The following TAX1BP1 variants were observed in gnomAD, a reference collection of about 807,000 sequenced individuals.
TAX1BP1 encodes Tax1 binding protein 1, also known as tax1-binding protein 1.
TAX1BP1 carries 62 observed loss-of-function variants against 97.7 expected under a neutral mutation model. That is an observed-to-expected ratio of 0.63 (90% CI 0.52 to 0.78). TAX1BP1 has a LOEUF of 0.78. Among genes scored for constraint, TAX1BP1 ranks in the 30% least tolerant of loss-of-function variants. The probability of loss-of-function intolerance (pLI) is 0.00; values close to 1 mark genes in which losing one functional copy is unlikely to be tolerated. For synonymous variants in TAX1BP1, 340 were observed against 304.2 expected (o/e 1.12, Z -1.23); for missense variants, 867 against 916.1 (o/e 0.95, Z 0.69).
chr7:27,822,146 C>T (rs867839846), intron 15 of TAX1BP1, among the ~76,000 whole-genome samples: 3 of 152,072 alleles, frequency 2.0e-5, no homozygotes, highest in South Asian at 4.1e-4. Context: ...AGCTGGCAAG[C>T]GTAATGAAGT....
intron 15 of TAX1BP1, among the ~76,000 whole-genome samples, chr7:27,818,236 GTTAGAGTC>G (rs1790853905): frequency 6.6e-6 from 1 of 152,202 alleles, no homozygotes; most frequent in Non-Finnish European, 1.5e-5. Context: ...GAGAAGCAGT[GTTAGAGTC>G]TTGTGCTCAT....
chr7:27,812,617 C>T (rs1583403019), intron 13 of TAX1BP1, among the ~76,000 whole-genome samples: 1 of 152,014 alleles, frequency 6.6e-6, no homozygotes, highest in South Asian at 2.1e-4. Context: ...GTAGTTTTAG[C>T]TCTCTTACTT....
At chr7:27,748,844 A>G (rs2128307350) in intron 2 of TAX1BP1, among the ~76,000 whole-genome samples, 158 bp downstream of exon 2, 1 of 152,316 alleles carries the variant, frequency 6.6e-6, no homozygotes, top group Admixed American at 6.5e-5. Flanking sequence ...GATAAAATGG[A>G]TGTTGGGAAC....
At chr7:27,771,346 A>G (rs571845447) in intron 5 of TAX1BP1, among the ~76,000 whole-genome samples, 3 of 151,038 alleles carry the variant, frequency 2.0e-5, no homozygotes, top group South Asian at 4.2e-4. Flanking sequence ...TCCTAAGCCC[A>G]TGAGATCAAG....
At chr7:27,760,025 T>C (rs1788363684) in intron 3 of TAX1BP1, among the ~76,000 whole-genome samples, 1 of 152,040 alleles carries the variant, frequency 6.6e-6, no homozygotes, top group South Asian at 2.1e-4. Context: ...GGCTGATTTT[T>C]GTATTTTTAA....
intron 5 of TAX1BP1, among the ~76,000 whole-genome samples, chr7:27,782,161 A>C (rs1381192319): frequency 1.3e-5 from 2 of 152,198 alleles, no homozygotes; most frequent in South Asian, 4.1e-4. Flanking sequence ...CAGCTGTGCA[A>C]AAATATTCTT....
At chr7:27,796,475 C>G (rs1789937714) in intron 12 of TAX1BP1, among the ~76,000 whole-genome samples, 2 of 152,042 alleles carry the variant, frequency 1.3e-5, no homozygotes, top group Non-Finnish European at 2.9e-5. Context: ...GGGTAATGGG[C>G]AAATAGTTAA....
chr7:27,757,927 A>G (rs1435353078), intron 2 of TAX1BP1, 104 bp from the exon 3 acceptor site: 1 of 586,772 alleles, frequency 1.7e-6, no homozygotes, highest in South Asian at 2.7e-5. Context: ...AACATATTAA[A>G]TGTATATTTT....
At chr7:27,782,203 A>G (rs1789285569) in intron 5 of TAX1BP1, among the ~76,000 whole-genome samples, 1 of 152,038 alleles carries the variant, frequency 6.6e-6, no homozygotes, top group East Asian at 1.9e-4. Context: ...AGATTTTTCC[A>G]TTTTAAAAAC....
chr7:27,813,971 T>A (rs1353189224), intron 13 of TAX1BP1, among the ~76,000 whole-genome samples: 1 of 152,116 alleles, frequency 6.6e-6, no homozygotes, highest in Non-Finnish European at 1.5e-5. Flanking sequence ...CATAGAGCAG[T>A]TCTTAGAAAC....
intron 9 of TAX1BP1, 55 bp from the exon 10 acceptor site, chr7:27,793,011 A>G: frequency 1.4e-6 from 2 of 1,454,806 alleles, no homozygotes; most frequent in Non-Finnish European, 1.9e-6. Context: ...GTTACTATTA[A>G]CATTAGGAGG....
In TAX1BP1 at chr7:27,787,540, G is replaced by A. The variant is rs775981278; in HGVS notation, c.975G>A (p.Leu325=). The A allele has an allele frequency of 8.7e-6, 14 of 1,613,612 alleles. No homozygotes were observed. The East Asian group carries it at 2.9e-4, about 33-fold the overall frequency. ...ITHFKEEIGR[L]QLCLAEKENL... ...ATTTCAAAGAAGAGATTGGCAGGCT[G>A]CAGTTATGTTTGGCTGAAAAGGAAA... Residue 325 remains leucine (L), a synonymous_variant, in exon 8 of 17, where the codon CTG becomes CTA. Transcript: ENST00000396319.
intron 5 of TAX1BP1, among the ~76,000 whole-genome samples, chr7:27,781,725 T>G (rs138573447): frequency 6.6e-6 from 1 of 152,022 alleles, no homozygotes; most frequent in Non-Finnish European, 1.5e-5. Flanking sequence ...AATTAATTTT[T>G]TTTTTTGAGA....
intron 13 of TAX1BP1, among the ~76,000 whole-genome samples, chr7:27,811,472 A>G (rs1790557486): frequency 6.6e-6 from 1 of 152,182 alleles, no homozygotes. Flanking sequence ...AAATGTGTTA[A>G]CTTAGACACA....
intron 15 of TAX1BP1, among the ~76,000 whole-genome samples, chr7:27,823,298 C>T (rs910552623): frequency 6.6e-6 from 1 of 152,146 alleles, no homozygotes; most frequent in Non-Finnish European, 1.5e-5. Flanking sequence ...TGGGTACTCT[C>T]TTTTCTCTTA....
At chr7:27,815,056 A>AT (rs947991509) in intron 13 of TAX1BP1, among the ~76,000 whole-genome samples, 63 of 152,154 alleles carry the variant, frequency 4.1e-4, no homozygotes, top group Non-Finnish European at 8.2e-4. Context: ...GTTTTTATAG[A>AT]TTTTTTGGGA....
chr7:27,817,142 G>A lies in TAX1BP1; in HGVS notation c.2085+104G>A, dbSNP rs1030826521. On this transcript the variant is annotated intron_variant, in intron 15 of 16. Transcript: ENST00000396319. ...TATGTGTATCTTTGTGCGTGCATGC[G>A]TGTGTGTGGAAGGAGAGTGTGTGCT... is the stretch of plus-strand genomic sequence containing the variant. 1.8e-5 allele frequency: 24 copies of A among 1,346,768 alleles called. No homozygotes were observed. The South Asian group carries it at 2.4e-4, about 13-fold the overall frequency. The allele number at this position is 1,346,768 out of a possible 1,614,324, so 83.4% of individuals were successfully genotyped here.
intron 7 of TAX1BP1, 110 bp downstream of exon 7, chr7:27,785,599 C>T: frequency 1.2e-6 from 1 of 854,904 alleles, no homozygotes; most frequent in Non-Finnish European, 1.9e-6. Flanking sequence ...GTGGTTCTGG[C>T]TCTAGCCTCT....
chr7:27,775,366 A>G (rs1037034387), intron 5 of TAX1BP1, among the ~76,000 whole-genome samples: 7 of 152,222 alleles, frequency 4.6e-5, no homozygotes, highest in Non-Finnish European at 8.8e-5. Context: ...GTATGGTTAG[A>G]TGAAACTCAT....
Sources: allele counts gnomAD v4.1 joint callset (sites outside exome capture counted in the v4.1 genomes callset), GRCh38; gene constraint gnomAD v4.1.1; transcripts MANE v1.5; gene names NCBI Gene and HGNC (gene_info 2026-07-23, HGNC 2026-07-21).